RBFOX1: variants seen among roughly 807,000 people sequenced by gnomAD.
The protein encoded by RBFOX1 is RNA binding fox-1 homolog 1.
In RBFOX1, 8 loss-of-function variants were observed where a neutral mutation model predicts 57.7. The ratio of observed to expected loss-of-function variants is 0.14; its 90% CI spans 0.08 to 0.25. RBFOX1 has a LOEUF of 0.25. Ranked by LOEUF, RBFOX1 falls within the 10% of genes least tolerant of loss-of-function variation. The pLI is 1.00. For synonymous variants in RBFOX1, 326 were observed against 222.4 expected (o/e 1.47, Z -4.15); for missense variants, 611 against 548.5 (o/e 1.11, Z -1.14).
intron 4 of RBFOX1, among the ~76,000 whole-genome samples, chr16:7,206,048 G>A (rs961661194): frequency 3.3e-5 from 5 of 152,176 alleles, no homozygotes; most frequent in Non-Finnish European, 7.3e-5. Flanking sequence ...AGGATGTTTA[G>A]TTTTACTTAG....
chr16:6,036,108 T>A (rs755112136), intron 1 of RBFOX1, among the ~76,000 whole-genome samples: 1 of 152,168 alleles, frequency 6.6e-6, no homozygotes, highest in Non-Finnish European at 1.5e-5. Flanking sequence ...GGCAGCCACC[T>A]GAGGGTGACA....
intron 3 of RBFOX1, among the ~76,000 whole-genome samples, chr16:5,863,468 T>G (rs2057274918): frequency 6.6e-6 from 1 of 152,144 alleles, no homozygotes; most frequent in African/African-American, 2.4e-5. Flanking sequence ...GAGCCCTCCA[T>G]CCTCCAGCAG....
chr16:6,907,257 C>A (rs747199689), intron 3 of RBFOX1, among the ~76,000 whole-genome samples: 1 of 152,118 alleles, frequency 6.6e-6, no homozygotes, highest in Admixed American at 6.5e-5. Flanking sequence ...CGAAGCAAAG[C>A]GTTTGTAGTG....
At chr16:6,680,272 C>T (rs1195785517) in intron 3 of RBFOX1, among the ~76,000 whole-genome samples, 25 of 109,350 alleles carry the variant, frequency 2.3e-4, no homozygotes, top group African/African-American at 8.4e-4. Context: ...TTTTCTCTCT[C>T]TCTTTTTTTT....
chr16:6,186,273 C>A (rs1245004999), intron 1 of RBFOX1, among the ~76,000 whole-genome samples: 2 of 151,980 alleles, frequency 1.3e-5, no homozygotes, highest in Admixed American at 6.6e-5. Context: ...ACTGATGACT[C>A]TGGGTTAGAG....
intron 3 of RBFOX1, among the ~76,000 whole-genome samples, chr16:6,943,208 G>T (rs531491448): frequency 6.6e-6 from 1 of 152,298 alleles, no homozygotes; most frequent in African/African-American, 2.4e-5. Context: ...GAACTGCTTT[G>T]CCTATAAGGT....
chr16:7,607,086 G>A (rs959243395), intron 9 of RBFOX1, among the ~76,000 whole-genome samples, 199 bp from the exon 10 acceptor site: 22 of 152,066 alleles, frequency 1.4e-4, no homozygotes, highest in Admixed American at 1.4e-3. Context: ...ACTTGCACTG[G>A]CAGAAAATCA....
At chr16:6,524,868 C>G (rs1287766929) in intron 2 of RBFOX1, among the ~76,000 whole-genome samples, 3 of 152,150 alleles carry the variant, frequency 2.0e-5, no homozygotes, top group Non-Finnish European at 4.4e-5. Context: ...AAATCTCCCT[C>G]TCTTTATAAG....
chr16:5,942,944 T>C (rs1416209267), intron 4 of RBFOX1, among the ~76,000 whole-genome samples: 1 of 152,202 alleles, frequency 6.6e-6, no homozygotes, highest in Admixed American at 6.5e-5. Flanking sequence ...GAGCCTACAC[T>C]GTCTCGGGCT....
intron 2 of RBFOX1, among the ~76,000 whole-genome samples, chr16:6,510,006 C>T (rs2096216844): frequency 6.6e-6 from 1 of 152,034 alleles, no homozygotes; most frequent in Admixed American, 6.5e-5. Context: ...ACATGCGATT[C>T]AGGGCAGGGG....
At chr16:6,329,297 A>G (rs980194059) in intron 2 of RBFOX1, among the ~76,000 whole-genome samples, 1 of 152,204 alleles carries the variant, frequency 6.6e-6, no homozygotes, top group Admixed American at 6.5e-5. Flanking sequence ...TCATCCTTAT[A>G]ATGACTGAGT....
intron 3 of RBFOX1, among the ~76,000 whole-genome samples, chr16:6,825,167 G>A (rs1424380699): frequency 6.7e-6 from 1 of 150,260 alleles, no homozygotes; most frequent in Non-Finnish European, 1.5e-5. Context: ...TGGCGTTGCT[G>A]GTCAGATGAT....
At chr16:6,760,968 G>C (rs7194964) in intron 3 of RBFOX1, among the ~76,000 whole-genome samples, 2,400 of 152,264 alleles carry the variant, frequency 0.016, 44 homozygotes, top group African/African-American at 0.046. Flanking sequence ...GATCTTCTTA[G>C]CTCTCTCCCT....
chr16:7,483,613 C>A (rs2064587718), intron 4 of RBFOX1, among the ~76,000 whole-genome samples: 1 of 152,048 alleles, frequency 6.6e-6, no homozygotes, highest in Admixed American at 6.5e-5. Flanking sequence ...GGACAGTGTT[C>A]TTATTGGGGT....
chr16:7,694,769 T>C (rs2078265559), intron 14 of RBFOX1, among the ~76,000 whole-genome samples: 1 of 151,930 alleles, frequency 6.6e-6, no homozygotes, highest in Non-Finnish European at 1.5e-5. Context: ...AGAGCCTTAG[T>C]GGAATGGAGC....
At chr16:6,043,918 C>G (rs1272245252) in intron 1 of RBFOX1, among the ~76,000 whole-genome samples, 1 of 152,114 alleles carries the variant, frequency 6.6e-6, no homozygotes, top group East Asian at 1.9e-4. Flanking sequence ...TCCTTTCCTT[C>G]TGGGACCCTC....
At chr16:6,233,812 G>C (rs1337997793) in intron 1 of RBFOX1, among the ~76,000 whole-genome samples, 3 of 152,012 alleles carry the variant, frequency 2.0e-5, no homozygotes, top group Non-Finnish European at 4.4e-5. Context: ...CATGTTCTCT[G>C]TCACTAAATG....
At chr16:6,824,063 C>T (rs540213863) in intron 3 of RBFOX1, among the ~76,000 whole-genome samples, 1 of 152,276 alleles carries the variant, frequency 6.6e-6, no homozygotes, top group South Asian at 2.1e-4. Flanking sequence ...TTTGTCTACA[C>T]CTTGTATTTT....
chr16:7,659,205 A>G (rs141270377), intron 12 of RBFOX1, among the ~76,000 whole-genome samples: 48 of 152,300 alleles, frequency 3.2e-4, no homozygotes, highest in Non-Finnish European at 5.3e-4. Flanking sequence ...TATTTGGGGT[A>G]TAGGAAAGAT....
Sources: allele counts gnomAD v4.1 joint callset (sites outside exome capture counted in the v4.1 genomes callset), GRCh38; gene constraint gnomAD v4.1.1; transcripts MANE v1.5; gene names NCBI Gene and HGNC (gene_info 2026-07-23, HGNC 2026-07-21).